Variants in TMPRSS11E observed in about 807,000 individuals in gnomAD.
The protein encoded by TMPRSS11E is transmembrane protease serine 11E.
TMPRSS11E carries 38 observed loss-of-function variants against 48.1 expected under a neutral mutation model. The ratio of observed to expected loss-of-function variants is 0.79; its 90% CI spans 0.61 to 1.04. TMPRSS11E has a LOEUF of 1.04. TMPRSS11E is among the 50% of genes least tolerant of loss of function. TMPRSS11E has a pLI of 0.00. For missense variants in TMPRSS11E, 530 were observed against 510.8 expected (o/e 1.04, Z -0.36); for synonymous variants, 158 against 171.9 (o/e 0.92, Z 0.63).
rs369618578 is a variant in TMPRSS11E at position 68,476,247 on chromosome 4, T to C, written c.530-14T>C. On this transcript the variant is annotated splice_polypyrimidine_tract_variant and intron_variant, in intron 6 of 9. Coordinates refer to ENST00000305363, the MANE Select transcript of TMPRSS11E (RefSeq NM_014058.4). ...AATGCACCCACCAATGCACCCCCCC[T>C]CTCTCTTTTGCAGGCTGCGGAACAC... 1.8e-4 allele frequency: 289 copies of C among 1,612,720 alleles called. No homozygotes were observed. The highest frequency in any genetic ancestry group is 3.8e-4 in the South Asian group (35 of 91,054).
At chr4:68,448,521 C>T (rs556292186) in intron 1 of TMPRSS11E, among the ~76,000 whole-genome samples, 1 of 151,974 alleles carries the variant, frequency 6.6e-6, no homozygotes, top group South Asian at 2.1e-4. Context: ...CTATAGAAAA[C>T]AGTGCTTCAA....
At chr4:68,453,810 G>A (rs1728558319) in intron 1 of TMPRSS11E, among the ~76,000 whole-genome samples, 1 of 151,942 alleles carries the variant, frequency 6.6e-6, no homozygotes, top group African/African-American at 2.4e-5. Flanking sequence ...GCAGGTAAGA[G>A]CTAATAGGGA....
At chr4:68,481,588 C>T (rs923804890) in intron 9 of TMPRSS11E, among the ~76,000 whole-genome samples, 1 of 152,130 alleles carries the variant, frequency 6.6e-6, no homozygotes, top group South Asian at 2.1e-4. Context: ...TGTTTGTTGG[C>T]TGCTTGTGTG....
chr4:68,454,899 T>G (rs1728587944), intron 1 of TMPRSS11E, among the ~76,000 whole-genome samples: 1 of 151,930 alleles, frequency 6.6e-6, no homozygotes, highest in African/African-American at 2.4e-5. Flanking sequence ...TGTGTAATGA[T>G]CAAATCAAGG....
At chr4:68,480,615 G>T (rs1335984748) in intron 9 of TMPRSS11E, among the ~76,000 whole-genome samples, 3 of 152,078 alleles carry the variant, frequency 2.0e-5, no homozygotes, top group African/African-American at 7.2e-5. Flanking sequence ...TTCAACATTT[G>T]TGTTATCTCA....
At chr4:68,455,754 C>A (rs757886034) in intron 1 of TMPRSS11E, among the ~76,000 whole-genome samples, 3 of 151,896 alleles carry the variant, frequency 2.0e-5, no homozygotes, top group Non-Finnish European at 4.4e-5. Flanking sequence ...GTGTAAAATT[C>A]CCTATGATTG....
chr4:68,496,563 A>G, intron 9 of TMPRSS11E, 80 bp from the exon 10 acceptor site: 1 of 1,390,100 alleles, frequency 7.2e-7, no homozygotes, highest in Non-Finnish European at 9.8e-7. Flanking sequence ...CCCTTTCATT[A>G]CATTCTTAAG....
intron 1 of TMPRSS11E, among the ~76,000 whole-genome samples, chr4:68,456,655 C>A (rs1478049070): frequency 6.6e-6 from 1 of 151,930 alleles, no homozygotes; most frequent in African/African-American, 2.4e-5. Flanking sequence ...GATAAGCAGG[C>A]ACAATCCTAT....
Position 68,496,667 on chromosome 4 carries a change from A to C in TMPRSS11E, c.1135A>C (p.Ser379Arg). The C allele has an allele frequency of 6.2e-7, 1 of 1,613,278 alleles. No individual in the cohort carries two copies. Among genetic ancestry groups the C allele is most frequent in the Non-Finnish European group, 8.5e-7 (1 of 1,179,490 alleles). The change falls in exon 10 of 10, where the codon AGT (serine) becomes CGT (arginine). Residue 379 changes from serine to arginine, a missense_variant. Transcript: ENST00000305363. ...GGGTGACTCTGGAGGACCACTGGTT[A>C]GTTCAGATGCTAGAGATATCTGGTA... Reference protein sequence around the residue: ...CQGDSGGPLVSSDARDIWYLA... With the variant: ...CQGDSGGPLVRSDARDIWYLA...
intron 3 of TMPRSS11E, among the ~76,000 whole-genome samples, chr4:68,467,418 T>C (rs1728956650): frequency 1.3e-5 from 2 of 152,142 alleles, no homozygotes; most frequent in African/African-American, 4.8e-5. Flanking sequence ...CATTATCAGA[T>C]TAATTAAAGA....
chr4:68,482,022 G>A (rs1729415295), intron 9 of TMPRSS11E, among the ~76,000 whole-genome samples: 1 of 152,110 alleles, frequency 6.6e-6, no homozygotes, highest in Non-Finnish European at 1.5e-5. Flanking sequence ...GGTTTAATTG[G>A]CTTATGATTC....
chr4:68,480,293 G>A (rs1186276314), intron 9 of TMPRSS11E, among the ~76,000 whole-genome samples: 1 of 151,908 alleles, frequency 6.6e-6, no homozygotes, highest in African/African-American at 2.4e-5. Context: ...TAGTCCCAGA[G>A]TTTCCTAAGC....
chr4:68,471,982 T>G (rs1232851096), intron 5 of TMPRSS11E, among the ~76,000 whole-genome samples: 1 of 152,002 alleles, frequency 6.6e-6, no homozygotes, highest in Non-Finnish European at 1.5e-5. Flanking sequence ...TCATGCCATT[T>G]ACACATTTGT....
chr4:68,450,155 A>T (rs1728455528), intron 1 of TMPRSS11E, among the ~76,000 whole-genome samples: 1 of 151,896 alleles, frequency 6.6e-6, no homozygotes, highest in Admixed American at 6.6e-5. Context: ...TGTTATAAGT[A>T]TTTAGCATGT....
intron 9 of TMPRSS11E, among the ~76,000 whole-genome samples, chr4:68,496,423 A>ATTTCAAGG (rs1336713529): frequency 6.6e-6 from 1 of 152,030 alleles, no homozygotes; most frequent in Non-Finnish European, 1.5e-5. Context: ...GTTTCAAGGT[A>ATTTCAAGG]TTTCAAGGTT....
intron 2 of TMPRSS11E, among the ~76,000 whole-genome samples, chr4:68,463,107 G>C (rs142063861): frequency 0.027 from 4,036 of 152,236 alleles, 179 homozygotes; most frequent in African/African-American, 0.092. Flanking sequence ...CCAGTAACGA[G>C]AAAGAGTACT....
intron 9 of TMPRSS11E, among the ~76,000 whole-genome samples, chr4:68,495,422 A>T (rs1035006603): frequency 6.6e-6 from 1 of 151,992 alleles, no homozygotes; most frequent in Non-Finnish European, 1.5e-5. Context: ...GGATTTTATT[A>T]TCAAAATTAT....
chr4:68,480,778 T>C (rs1729379460), intron 9 of TMPRSS11E, among the ~76,000 whole-genome samples: 1 of 152,178 alleles, frequency 6.6e-6, no homozygotes, highest in Non-Finnish European at 1.5e-5. Context: ...ATTTATATTA[T>C]TTTATTTAAT....
At chr4:68,451,799 G>C (rs1205137796) in intron 1 of TMPRSS11E, among the ~76,000 whole-genome samples, 1 of 151,806 alleles carries the variant, frequency 6.6e-6, no homozygotes, top group African/African-American at 2.4e-5. Flanking sequence ...GGCTCAGACA[G>C]GTAATTTTTT....
Sources: allele counts gnomAD v4.1 joint callset (sites outside exome capture counted in the v4.1 genomes callset), GRCh38; gene constraint gnomAD v4.1.1; transcripts MANE v1.5; gene names NCBI Gene and HGNC (gene_info 2026-07-23, HGNC 2026-07-21).